Variants in STOX1 observed in about 807,000 individuals in gnomAD.
STOX1 encodes the protein storkhead box 1.
Under a neutral mutation model 74.8 loss-of-function variants are expected in STOX1, and 57 were observed. The ratio of observed to expected loss-of-function variants is 0.76; its 90% CI spans 0.62 to 0.95. The LOEUF is 0.95. Among genes scored for constraint, STOX1 ranks in the 40% least tolerant of loss-of-function variants. The pLI is 0.00. For synonymous variants in STOX1, 375 were observed against 401.3 expected (o/e 0.93, Z 0.78); for missense variants, 1,010 against 1,117.0 (o/e 0.90, Z 1.37).
chr10:68,871,187 T>A (rs891269533), intron 1 of STOX1, among the ~76,000 whole-genome samples: 4 of 152,162 alleles, frequency 2.6e-5, no homozygotes, highest in Non-Finnish European at 2.9e-5. Context: ...CTGGTTTGAG[T>A]CGGTCATTCC....
In STOX1 at chr10:68,864,886, G is replaced by A. The variant is rs534012781; in HGVS notation, c.311-17072G>A. ...CTAGAGCAGGCCGTATGCAATTAAT[G>A]TCCCCTAGTAATTTTTGAAAGTCAT... On this transcript the variant is annotated intron_variant, in intron 1 of 3. Coordinates refer to ENST00000298596, the MANE Select transcript of STOX1 (RefSeq NM_152709.5). 2.0e-5 allele frequency among the ~76,000 whole-genome samples: 3 copies of A among 152,316 alleles called. No homozygotes were observed. In the South Asian group the frequency reaches 6.2e-4, roughly 32 times the overall value.
chr10:68,837,789 G>A lies in STOX1; in HGVS notation c.310+9856G>A, dbSNP rs553228317. ...ATCCAGTCCTCTTGGGGCCTTGGTT[G>A]CCTCATGTGTTGGTAGGTATTCTGC... On this transcript the variant is annotated intron_variant, in intron 1 of 3. Transcript: ENST00000298596. Among the ~76,000 whole-genome samples the A allele has an allele frequency of 6.6e-5, 10 of 152,294 alleles. No homozygotes were observed. The East Asian group carries it at 1.9e-3, about 29-fold the overall frequency.
rs560123012 is a variant in STOX1 at position 68,885,048 on chromosome 10, C to A, written c.1252C>A (p.Leu418Met). 5 of 1,614,026 alleles carry A rather than the reference C, an allele frequency of 3.1e-6. No homozygotes were observed. Among genetic ancestry groups the A allele is most frequent in the Admixed American group, 1.7e-5 (1 of 59,988 alleles). Reference sequence around the variant, plus strand: ...AGAGGGGGTTAAGAAAAGGCAGGGTCTGTCTGCAAAACCTCAAGGGCAGGG... The same window carrying A: ...AGAGGGGGTTAAGAAAAGGCAGGGTATGTCTGCAAAACCTCAAGGGCAGGG... ...SKEGVKKRQG[L>M]SAKPQGQGHS... is the part of the protein sequence containing the mutation. The change falls in exon 3 of 4, where the codon CTG becomes ATG. Residue 418 changes from leucine (L) to methionine (M), a missense_variant. Physicochemically the swap from Leu to Met is conservative, Grantham distance 15. Transcript: ENST00000298596.
intron 2 of STOX1, among the ~76,000 whole-genome samples, chr10:68,883,410 GTTATTT>G (rs1840858093): frequency 1.3e-5 from 2 of 151,830 alleles, no homozygotes; most frequent in South Asian, 2.1e-4. Flanking sequence ...TTATTTTCCT[GTTATTT>G]TTATTTTTAT....
At chr10:68,863,761 G>C (rs759299426) in intron 1 of STOX1, among the ~76,000 whole-genome samples, 3 of 152,044 alleles carry the variant, frequency 2.0e-5, no homozygotes, top group South Asian at 2.1e-4. Context: ...ATTTTCAACT[G>C]TGTAGGATGA....
intron 1 of STOX1, among the ~76,000 whole-genome samples, chr10:68,839,063 C>T (rs1839630618): frequency 6.6e-6 from 1 of 152,148 alleles, no homozygotes; most frequent in Non-Finnish European, 1.5e-5. Flanking sequence ...CATCCCATAT[C>T]CATGGATTGG....
intron 1 of STOX1, among the ~76,000 whole-genome samples, chr10:68,868,992 T>C (rs1840472183): frequency 6.6e-6 from 1 of 152,224 alleles, no homozygotes; most frequent in Non-Finnish European, 1.5e-5. Context: ...AAGTAGAGAA[T>C]GTGAGCCCAG....
intron 3 of STOX1, among the ~76,000 whole-genome samples, chr10:68,891,004 G>A (rs1394510875): frequency 6.6e-6 from 1 of 152,032 alleles, no homozygotes; most frequent in East Asian, 1.9e-4. Flanking sequence ...CAATGGTGGT[G>A]TAAACCAAAA....
At chr10:68,837,891 A>G (rs758055076) in intron 1 of STOX1, among the ~76,000 whole-genome samples, 1 of 152,232 alleles carries the variant, frequency 6.6e-6, no homozygotes, top group African/African-American at 2.4e-5. Flanking sequence ...AAAAGTGCAC[A>G]GTACAAACAC....
intron 3 of STOX1, among the ~76,000 whole-genome samples, chr10:68,891,743 A>C (rs1277596318): frequency 6.6e-6 from 1 of 151,462 alleles, no homozygotes; most frequent in African/African-American, 2.4e-5. Context: ...CGGAGGTTGC[A>C]GTGGGCCAAG....
Position 68,882,081 on chromosome 10 carries a change from T to G in STOX1, c.434T>G (p.Leu145Arg). Reference protein sequence around the residue: ...TAQIVVTQESLLERLMKHYPG... With the variant: ...TAQIVVTQESRLERLMKHYPG... ...CAGATTGTAGTAACGCAGGAATCAC[T>G]TTTGGAGCGTTTGATGAAACATTAC... Residue 145 changes from leucine (L) to arginine (R), a missense_variant, in exon 2 of 4, where the codon CTT becomes CGT. Transcript: ENST00000298596. 2 of 1,613,934 alleles carry G rather than the reference T, an allele frequency of 1.2e-6. No homozygotes were observed. Among genetic ancestry groups the G allele is most frequent in the Non-Finnish European group, 8.5e-7 (1 of 1,179,902 alleles).
At chr10:68,837,053 C>A (rs536955602) in intron 1 of STOX1, among the ~76,000 whole-genome samples, 1 of 152,170 alleles carries the variant, frequency 6.6e-6, no homozygotes, top group Non-Finnish European at 1.5e-5. Context: ...GAGCATTTAC[C>A]CTCTGCCCAG....
intron 1 of STOX1, among the ~76,000 whole-genome samples, chr10:68,871,322 A>G (rs1295864728): frequency 6.6e-6 from 1 of 152,214 alleles, no homozygotes; most frequent in South Asian, 2.1e-4. Context: ...TGTGCTGACA[A>G]CCAAATTGTG....
At chr10:68,889,755 G>A (rs1436707130) in intron 3 of STOX1, among the ~76,000 whole-genome samples, 1 of 151,762 alleles carries the variant, frequency 6.6e-6, no homozygotes, top group South Asian at 2.1e-4. Flanking sequence ...TTAGAGACAG[G>A]GTTTCACCAT....
In STOX1 at chr10:68,850,725, G is replaced by A. The variant is rs1355189602; in HGVS notation, c.310+22792G>A. 2.0e-5 allele frequency among the ~76,000 whole-genome samples: 3 copies of A among 152,184 alleles called. No homozygotes were observed. In the East Asian group the frequency reaches 5.8e-4, roughly 29 times the overall value. ...ACAGTGGCTCACGCCTGTAATCCCAGCACTGGGAGGCCAAGGCAGGTGGAT... is the reference window on the plus strand; with the variant it reads ...ACAGTGGCTCACGCCTGTAATCCCAACACTGGGAGGCCAAGGCAGGTGGAT... On this transcript the variant is annotated intron_variant, in intron 1 of 3. Coordinates refer to ENST00000298596, the MANE Select transcript of STOX1 (RefSeq NM_152709.5).
Position 68,855,124 on chromosome 10 carries a change from ATT to A in STOX1, c.311-26819_311-26818del, listed in dbSNP as rs56333446. On this transcript the variant is annotated intron_variant, in intron 1 of 3. Coordinates refer to ENST00000298596, the MANE Select transcript of STOX1 (RefSeq NM_152709.5). ...CAGAAAGACTGTTTCTTAAAAAAAAATTTTTTTTTTTTTTTTGAGATAGTCTT... is the reference window on the plus strand; with the variant it reads ...CAGAAAGACTGTTTCTTAAAAAAAAATTTTTTTTTTTTTTGAGATAGTCTT... Among the ~76,000 whole-genome samples the A allele has an allele frequency of 5.4e-3, 739 of 136,436 alleles. 5 individuals carry two copies. Among genetic ancestry groups the A allele is most frequent in the Middle Eastern group, 7.3e-3 (2 of 274 alleles). The allele number at this position is 136,436 out of a possible 152,430, so 89.5% of individuals were successfully genotyped here.
chr10:68,873,560 C>CTTT (rs5785876), intron 1 of STOX1, among the ~76,000 whole-genome samples: 33 of 102,176 alleles, frequency 3.2e-4, no homozygotes, highest in South Asian at 2.8e-3. Context: ...CGCGCCTGGC[C>CTTT]TTTTTTTTTT....
At chr10:68,856,690 C>T (rs1840133935) in intron 1 of STOX1, among the ~76,000 whole-genome samples, 1 of 152,168 alleles carries the variant, frequency 6.6e-6, no homozygotes, top group African/African-American at 2.4e-5. Context: ...CTTGCTGCAG[C>T]GTGGCCCTGC....
Position 68,827,603 on chromosome 10 carries a change from C to T in STOX1, c.-21C>T, listed in dbSNP as rs1483472288. On this transcript the variant is annotated 5_prime_UTR_variant, in exon 1 of 4. Transcript: ENST00000298596. ...GCTCGCCGAGGCCCTGCGTTGCGGG[C>T]TCCCGGCCGCCGGCGAAAGCATGGC... 3 of 1,138,454 alleles carry T rather than the reference C, an allele frequency of 2.6e-6. No homozygotes were observed. The highest frequency in any genetic ancestry group is 4.5e-5 in the East Asian group (1 of 22,182). The allele number at this position is 1,138,454 out of a possible 1,614,324, so 70.5% of individuals were successfully genotyped here.
Sources: gnomAD v4.1 joint callset for allele counts (sites outside exome capture counted in the v4.1 genomes callset) on GRCh38, gnomAD v4.1.1 for gene constraint, MANE v1.5 for transcripts, NCBI Gene and HGNC (gene_info 2026-07-23, HGNC 2026-07-21) for gene names.